DOCK2: variants seen among roughly 807,000 people sequenced by gnomAD.
DOCK2 encodes dedicator of cytokinesis protein 2.
Under a neutral mutation model 248.9 loss-of-function variants are expected in DOCK2, and 87 were observed. That is an observed-to-expected ratio of 0.35 (90% CI 0.29 to 0.42). The LOEUF is 0.42. Ranked by LOEUF, DOCK2 falls within the 10% of genes least tolerant of loss-of-function variation. DOCK2 has a pLI of 1.00. For missense variants in DOCK2, 1,747 were observed against 2,300.2 expected, an observed-to-expected ratio of 0.76 and a Z score of 4.92; for synonymous variants, 805 against 821.6, an observed-to-expected ratio of 0.98 and a Z score of 0.35.
chr5:169,724,727 C>T (rs188297992), intron 22 of DOCK2, among the ~76,000 whole-genome samples: 7 of 151,706 alleles, frequency 4.6e-5, no homozygotes, highest in East Asian at 3.9e-4. Context: ...CCCCAGACAC[C>T]GGCTTTCTGG....
At chr5:170,044,431 C>T (rs1298881455) in intron 38 of DOCK2, among the ~76,000 whole-genome samples, 1 of 152,152 alleles carries the variant, frequency 6.6e-6, no homozygotes, top group Non-Finnish European at 1.5e-5. Flanking sequence ...AGAGGAAATC[C>T]CAGGCACCTG....
At chr5:169,948,533 C>T (rs902551234) in intron 27 of DOCK2, among the ~76,000 whole-genome samples, 3 of 151,956 alleles carry the variant, frequency 2.0e-5, no homozygotes, top group African/African-American at 4.8e-5. Flanking sequence ...AACACATATA[C>T]ATTTATAGAT....
At position 170,069,163 on chromosome 5, in the gene DOCK2, G is replaced by C. The variant is rs1268585763; in HGVS notation, c.4671G>C (p.Arg1557Ser). ...CCTTCTTCACTGAAGAGTATGTCAG[G>C]GACCACCCTGAGGACCAGGACAAGC... ...EKAFFTEEYVRDHPEDQDKLT... is the reference protein window; with the variant it reads ...EKAFFTEEYVSDHPEDQDKLT... Residue 1557 changes from arginine (R) to serine (S), a missense_variant, in exon 46 of 52, where the codon AGG becomes AGC. Transcript: ENST00000520908. The C allele has an allele frequency of 6.2e-7, 1 of 1,613,862 alleles. No individual in the cohort carries two copies. Among genetic ancestry groups the C allele is most frequent in the Non-Finnish European group, 8.5e-7 (1 of 1,179,974 alleles).
Position 169,996,650 on chromosome 5 carries a change from G to A in DOCK2, c.3072+486G>A, listed in dbSNP as rs144797200. On this transcript the variant is annotated intron_variant, in intron 30 of 51. Coordinates refer to ENST00000520908, the MANE Select transcript of DOCK2 (RefSeq NM_004946.3). ...AGGGTCCTAAAAGTATGTGCCTGGG[G>A]CAAACAGAATGACACACCTGCCCCA... Among the ~76,000 whole-genome samples, 415 of 152,292 alleles carry A rather than the reference G, an allele frequency of 2.7e-3. 4 individuals are homozygous for A. Among genetic ancestry groups the A allele is most frequent in the Middle Eastern group, 0.024 (7 of 294 alleles).
chr5:169,644,812 A>T (rs993931461), intron 1 of DOCK2, among the ~76,000 whole-genome samples: 1 of 151,854 alleles, frequency 6.6e-6, no homozygotes, highest in African/African-American at 2.4e-5. Flanking sequence ...ACCCCCTGAC[A>T]GGCCCCAGTG....
chr5:169,993,673 T>G (rs1214515007), intron 29 of DOCK2, among the ~76,000 whole-genome samples: 3 of 152,154 alleles, frequency 2.0e-5, no homozygotes, highest in Non-Finnish European at 4.4e-5. Flanking sequence ...GTGCCTGATG[T>G]AGCAAATGCT....
intron 27 of DOCK2, among the ~76,000 whole-genome samples, chr5:169,955,814 A>C (rs1248591634): frequency 6.6e-6 from 1 of 152,220 alleles, no homozygotes; most frequent in Admixed American, 6.5e-5. Context: ...TCCCTGCTAC[A>C]TAGCAGAGGC....
intron 27 of DOCK2, chr5:169,881,465 G>A: frequency 6.5e-7 from 1 of 1,548,214 alleles, no homozygotes; most frequent in Non-Finnish European, 8.7e-7. Flanking sequence ...GCATTTGCTG[G>A]ATAAATCTAT....
At chr5:169,905,295 T>TG (rs1009344556) in intron 27 of DOCK2, among the ~76,000 whole-genome samples, 23 of 106,988 alleles carry the variant, frequency 2.1e-4, no homozygotes, top group African/African-American at 9.7e-4. Context: ...GAGCCAGTGT[T>TG]TTTTTTTTTT....
intron 26 of DOCK2, among the ~76,000 whole-genome samples, chr5:169,807,103 A>G (rs1345559539): frequency 6.6e-6 from 1 of 152,066 alleles, no homozygotes; most frequent in African/African-American, 2.4e-5. Flanking sequence ...GAGAAGAAAA[A>G]TCTTGCATCA....
At chr5:169,762,865 G>A (rs1365841119) in intron 25 of DOCK2, among the ~76,000 whole-genome samples, 2 of 152,198 alleles carry the variant, frequency 1.3e-5, no homozygotes, top group African/African-American at 4.8e-5. Context: ...AGGGAGTGAA[G>A]CCTGAATATT....
chr5:169,681,641 A>G, intron 6 of DOCK2, 103 bp from the exon 7 acceptor site: 3 of 1,444,830 alleles, frequency 2.1e-6, no homozygotes, highest in South Asian at 1.3e-5. Context: ...CTATGTGACT[A>G]TATGACCCCC....
At chr5:169,907,264 C>T (rs982206738) in intron 27 of DOCK2, among the ~76,000 whole-genome samples, 1 of 152,166 alleles carries the variant, frequency 6.6e-6, no homozygotes, top group African/African-American at 2.4e-5. Flanking sequence ...GAAGATACAG[C>T]GATGTGCCCA....
Position 169,707,974 on chromosome 5 carries a change from C to G in DOCK2, c.1384-195C>G, listed in dbSNP as rs569112567. ...GGAATTTCTGTAGTTAAGTGCCTGT[C>G]AGTCCTGTGGCTGGGGCACTCCTGT... On this transcript the variant is annotated intron_variant, in intron 14 of 51. Coordinates refer to ENST00000520908, the MANE Select transcript of DOCK2 (RefSeq NM_004946.3). Among the ~76,000 whole-genome samples the G allele has an allele frequency of 7.9e-5, 12 of 152,344 alleles. 1 individual carries two copies. The South Asian group carries it at 2.3e-3, about 29-fold the overall frequency.
chr5:169,994,386 A>C (rs910569538), intron 29 of DOCK2, among the ~76,000 whole-genome samples: 6 of 152,200 alleles, frequency 3.9e-5, no homozygotes, highest in African/African-American at 1.2e-4. Flanking sequence ...AGGGGGTTGC[A>C]ATGAGGATCC....
At chr5:170,038,225 G>C (rs566551856) in intron 36 of DOCK2, among the ~76,000 whole-genome samples, 1 of 152,198 alleles carries the variant, frequency 6.6e-6, no homozygotes, top group South Asian at 2.1e-4. Flanking sequence ...ATTAAATGAA[G>C]TACTATAGGT....
intron 27 of DOCK2, chr5:169,883,563 C>G (rs1772795103): frequency 1.3e-6 from 2 of 1,551,504 alleles, no homozygotes. Context: ...TGAGTCTCTT[C>G]CTTTTGAAAA....
At chr5:170,051,821 GATAA>G (rs1367673839) in intron 41 of DOCK2, among the ~76,000 whole-genome samples, 2 of 152,184 alleles carry the variant, frequency 1.3e-5, no homozygotes, top group African/African-American at 4.8e-5. Flanking sequence ...GAAGAAAAGA[GATAA>G]ATAAATAGAG....
chr5:170,062,141 G>GAGAC (rs1208821592), intron 44 of DOCK2, among the ~76,000 whole-genome samples: 4 of 151,578 alleles, frequency 2.6e-5, no homozygotes, highest in Non-Finnish European at 5.9e-5. Flanking sequence ...GAGAGAGAGA[G>GAGAC]AGAGAGACAG....
Sources: allele counts gnomAD v4.1 joint callset (sites outside exome capture counted in the v4.1 genomes callset), GRCh38; gene constraint gnomAD v4.1.1; transcripts MANE v1.5; gene names NCBI Gene and HGNC (gene_info 2026-07-23, HGNC 2026-07-21).